XKR9: variants seen among roughly 807,000 people sequenced by gnomAD.
The protein encoded by XKR9 is XK-related protein 9.
A neutral mutation model predicts 32.0 loss-of-function variants in XKR9; 32 were observed. That is an observed-to-expected ratio of 1.00 (90% CI 0.76 to 1.34). The LOEUF (loss-of-function observed/expected upper bound fraction) is 1.34. XKR9 is among the 40% of genes most tolerant of loss of function. XKR9 has a pLI of 0.00. For synonymous variants in XKR9, 168 were observed against 143.4 expected (o/e 1.17, Z -1.22); for missense variants, 546 against 429.7 (o/e 1.27, Z -2.39).
chr8:71,028,868 A>G, the XKR9 span, among the ~76,000 whole-genome samples: 3 of 152,108 alleles, frequency 2.0e-5, no homozygotes, highest in African/African-American at 7.2e-5. Flanking sequence ...CTTTTTGTAG[A>G]GGCTAAGAGT....
At chr8:70,850,521 C>G in the XKR9 span, among the ~76,000 whole-genome samples, 156 of 148,140 alleles carry the variant, frequency 1.1e-3, 1 homozygote, top group Middle Eastern at 7.1e-3. Flanking sequence ...TGATAAACAT[C>G]GATGCAAAAA....
the XKR9 span, among the ~76,000 whole-genome samples, chr8:71,041,628 G>A: frequency 4.6e-5 from 7 of 152,266 alleles, no homozygotes; most frequent in East Asian, 1.2e-3. Context: ...ACTGGTGCAA[G>A]GTGATTGGAT....
At chr8:70,865,092 T>C in the XKR9 span, among the ~76,000 whole-genome samples, 1 of 152,192 alleles carries the variant, frequency 6.6e-6, no homozygotes, top group Non-Finnish European at 1.5e-5. Context: ...TCCTCATATT[T>C]GGTCAAGTTT....
chr8:70,843,034 G>A, the XKR9 span, among the ~76,000 whole-genome samples: 1 of 152,194 alleles, frequency 6.6e-6, no homozygotes, highest in Middle Eastern at 3.2e-3. Flanking sequence ...AAGTCGGGAT[G>A]CACGCCCATG....
At chr8:71,042,285 A>G in the XKR9 span, among the ~76,000 whole-genome samples, 1 of 152,158 alleles carries the variant, frequency 6.6e-6, no homozygotes, top group Non-Finnish European at 1.5e-5. Flanking sequence ...CCTTGGGTTC[A>G]GGATAAAGCA....
At chr8:70,751,695 C>A (rs951028263) in intron 2 of XKR9, among the ~76,000 whole-genome samples, 1 of 152,112 alleles carries the variant, frequency 6.6e-6, no homozygotes, top group African/African-American at 2.4e-5. Flanking sequence ...CCTTGGACAC[C>A]AGAACTTCAA....
the XKR9 span, among the ~76,000 whole-genome samples, chr8:70,999,056 C>T: frequency 1.3e-5 from 2 of 152,048 alleles, no homozygotes; most frequent in African/African-American, 4.8e-5. Flanking sequence ...GTTGGTGAGG[C>T]TTTTTTCCTC....
chr8:71,056,789 G>T, the XKR9 span, among the ~76,000 whole-genome samples: 6 of 151,824 alleles, frequency 4.0e-5, no homozygotes, highest in African/African-American at 1.5e-4. Flanking sequence ...GGGAGAAAAA[G>T]AAAAAATAAT....
chr8:70,832,102 A>G, the XKR9 span, among the ~76,000 whole-genome samples: 2 of 152,192 alleles, frequency 1.3e-5, no homozygotes, highest in South Asian at 4.1e-4. Flanking sequence ...CTATTCACTG[A>G]TCTAGAAAGC....
chr8:70,953,695 G>C, the XKR9 span, among the ~76,000 whole-genome samples: 3 of 152,166 alleles, frequency 2.0e-5, no homozygotes, highest in African/African-American at 7.2e-5. Flanking sequence ...CTTCCATCCT[G>C]ATGGGTAACT....
rs534137784 is a variant in XKR9 at position 70,688,099 on chromosome 8, C to T, written c.272+6769C>T. 9.2e-5 allele frequency among the ~76,000 whole-genome samples: 14 copies of T among 152,324 alleles called. No homozygotes were observed. The South Asian group carries it at 2.7e-3, about 29-fold the overall frequency. ...GCAATAATAGTTTTCACACAAAGGTCAGTCTTAGGCTATGCCCTACCATGG... is the reference window on the plus strand; with the variant it reads ...GCAATAATAGTTTTCACACAAAGGTTAGTCTTAGGCTATGCCCTACCATGG... On this transcript the variant is annotated intron_variant, in intron 3 of 4. Transcript: ENST00000408926.
chr8:70,704,823 A>G (rs898993437), intron 3 of XKR9, among the ~76,000 whole-genome samples: 1 of 152,170 alleles, frequency 6.6e-6, no homozygotes, highest in Admixed American at 6.5e-5. Context: ...TTTTCTTAGA[A>G]ATCTTGCTTA....
the XKR9 span, among the ~76,000 whole-genome samples, chr8:70,917,016 C>G: frequency 3.3e-5 from 5 of 152,086 alleles, no homozygotes; most frequent in Non-Finnish European, 7.4e-5. Flanking sequence ...TATGTTGCTT[C>G]ACTGTCCATG....
chr8:70,861,607 G>A, the XKR9 span, among the ~76,000 whole-genome samples: 9 of 152,140 alleles, frequency 5.9e-5, no homozygotes. Context: ...AGTGAGCTAT[G>A]ATTGTGTCAC....
the XKR9 span, among the ~76,000 whole-genome samples, chr8:70,817,254 ACTG>A: frequency 6.6e-6 from 1 of 152,246 alleles, no homozygotes; most frequent in African/African-American, 2.4e-5. Context: ...GCCTCCTAGA[ACTG>A]ATAAATGACT....
At chr8:71,009,559 T>C in the XKR9 span, among the ~76,000 whole-genome samples, 4 of 152,298 alleles carry the variant, frequency 2.6e-5, no homozygotes, top group African/African-American at 9.6e-5. Context: ...AGGATTGTTT[T>C]GGGGTTGCAA....
At chr8:70,948,545 G>A in the XKR9 span, among the ~76,000 whole-genome samples, 3 of 151,724 alleles carry the variant, frequency 2.0e-5, no homozygotes, top group Non-Finnish European at 4.4e-5. Context: ...GTCATTGCTG[G>A]GGAGACTGGG....
the XKR9 span, among the ~76,000 whole-genome samples, chr8:70,972,624 T>A: frequency 6.6e-6 from 1 of 152,194 alleles, no homozygotes; most frequent in Non-Finnish European, 1.5e-5. Context: ...TTTTATTACC[T>A]CAAGTTATGT....
At chr8:70,691,132 T>C (rs896532465) in intron 3 of XKR9, among the ~76,000 whole-genome samples, 3 of 152,184 alleles carry the variant, frequency 2.0e-5, no homozygotes, top group African/African-American at 7.2e-5. Flanking sequence ...TATTTCATTG[T>C]GGTTTTCATT....
Sources: allele counts gnomAD v4.1 joint callset (sites outside exome capture counted in the v4.1 genomes callset), GRCh38; gene constraint gnomAD v4.1.1; transcripts MANE v1.5; gene names NCBI Gene and HGNC (gene_info 2026-07-23, HGNC 2026-07-21).